Variants in LMCD1 observed in about 807,000 individuals in gnomAD.
LMCD1 encodes LIM and cysteine rich domains 1.
LMCD1 carries 32 observed loss-of-function variants against 42.7 expected under a neutral mutation model. The ratio of observed to expected loss-of-function variants is 0.75; its 90% CI spans 0.57 to 1.01. The LOEUF is 1.01. Ranked by LOEUF, LMCD1 falls within the 50% of genes least tolerant of loss-of-function variation. The pLI is 0.00. For synonymous variants in LMCD1, 178 were observed against 184.9 expected, an observed-to-expected ratio of 0.96 and a Z score of 0.30; for missense variants, 458 against 483.1, an observed-to-expected ratio of 0.95 and a Z score of 0.49.
intron 3 of LMCD1, among the ~76,000 whole-genome samples, chr3:8,547,752 G>A (rs1694764890): frequency 6.9e-6 from 1 of 144,422 alleles, no homozygotes; most frequent in African/African-American, 2.6e-5. Flanking sequence ...AATTAGCAGT[G>A]GCGGGCACCT....
intron 1 of LMCD1, among the ~76,000 whole-genome samples, chr3:8,522,669 T>C (rs960657917): frequency 1.3e-5 from 2 of 152,104 alleles, no homozygotes; most frequent in Non-Finnish European, 2.9e-5. Flanking sequence ...CCATTAGACA[T>C]GACATGTCCA....
intron 1 of LMCD1, among the ~76,000 whole-genome samples, chr3:8,518,879 A>G (rs1049177802): frequency 1.3e-5 from 2 of 152,160 alleles, no homozygotes; most frequent in Admixed American, 6.5e-5. Context: ...AGAGGAAACC[A>G]GGGTGCCTCT....
chr3:8,565,670 G>A (rs1695120968), intron 5 of LMCD1, 23 bp downstream of exon 5: 1 of 1,562,284 alleles, frequency 6.4e-7, no homozygotes, highest in Admixed American at 1.9e-5. Context: ...CGCGAGATGG[G>A]TTAGGGGGCT....
chr3:8,524,175 C>A (rs1193338811), intron 1 of LMCD1, among the ~76,000 whole-genome samples: 2 of 150,688 alleles, frequency 1.3e-5, no homozygotes, highest in African/African-American at 2.4e-5. Context: ...CCAGGGCACT[C>A]CCCAGAAAAA....
chr3:8,546,150 CA>C (rs368675496), intron 3 of LMCD1, among the ~76,000 whole-genome samples: 3 of 150,372 alleles, frequency 2.0e-5, no homozygotes, highest in African/African-American at 7.3e-5. Context: ...CAAAACAAAA[CA>C]AAAAAAAAGA....
chr3:8,567,348 G>C, intron 5 of LMCD1, 92 bp from the exon 6 acceptor site: 1 of 1,306,346 alleles, frequency 7.7e-7, no homozygotes, highest in South Asian at 1.5e-5. Flanking sequence ...AATAGGATGG[G>C]ATGAACCACC....
intron 4 of LMCD1, among the ~76,000 whole-genome samples, chr3:8,562,489 T>C (rs1418422465): frequency 3.3e-5 from 5 of 152,246 alleles, no homozygotes; most frequent in Non-Finnish European, 5.9e-5. Flanking sequence ...GTTTCTTGGC[T>C]GTGCCCCCCT....
At chr3:8,551,682 C>T (rs1694841511) in intron 4 of LMCD1, among the ~76,000 whole-genome samples, 1 of 152,152 alleles carries the variant, frequency 6.6e-6, no homozygotes, top group Non-Finnish European at 1.5e-5. Flanking sequence ...GCTAGATAGG[C>T]TGACAGGCCA....
chr3:8,530,342 A>G (rs773628378), intron 1 of LMCD1, among the ~76,000 whole-genome samples: 1 of 152,230 alleles, frequency 6.6e-6, no homozygotes, highest in Non-Finnish European at 1.5e-5. Flanking sequence ...TACACAGCTA[A>G]TAAATGCCAG....
At chr3:8,523,688 TG>T (rs1694245064) in intron 1 of LMCD1, among the ~76,000 whole-genome samples, 1 of 152,230 alleles carries the variant, frequency 6.6e-6, no homozygotes, top group Admixed American at 6.5e-5. Context: ...GGGAGCAAGA[TG>T]GGGAACATTT....
At chr3:8,511,145 C>CA (rs1693992584) in intron 1 of LMCD1, among the ~76,000 whole-genome samples, 1 of 152,200 alleles carries the variant, frequency 6.6e-6, no homozygotes, top group Non-Finnish European at 1.5e-5. Context: ...TTATTGTACT[C>CA]ACAACAATCA....
chr3:8,562,479 GTTTCT>G, intron 4 of LMCD1, among the ~76,000 whole-genome samples: 1 of 152,300 alleles, frequency 6.6e-6, no homozygotes, highest in South Asian at 2.1e-4. Flanking sequence ...TCCCAGCTCT[GTTTCT>G]TGGCTGTGCC....
chr3:8,547,498 T>C (rs1417367787), intron 3 of LMCD1, among the ~76,000 whole-genome samples: 1 of 152,224 alleles, frequency 6.6e-6, no homozygotes, highest in Non-Finnish European at 1.5e-5. Context: ...GTTTTTAAAA[T>C]CCTTTTTAAA....
At chr3:8,514,764 C>A (rs549535317) in intron 1 of LMCD1, among the ~76,000 whole-genome samples, 1 of 152,104 alleles carries the variant, frequency 6.6e-6, no homozygotes, top group South Asian at 2.1e-4. Flanking sequence ...GAATACACAC[C>A]GTGTAATTTC....
chr3:8,545,361 T>C (rs1694715104), intron 3 of LMCD1, among the ~76,000 whole-genome samples: 1 of 152,226 alleles, frequency 6.6e-6, no homozygotes, highest in Admixed American at 6.5e-5. Context: ...TGATCAAGAA[T>C]GTGAATCTCT....
At chr3:8,551,328 G>C (rs1242053189) in intron 4 of LMCD1, 69 of 985,318 alleles carry the variant, frequency 7.0e-5, no homozygotes, top group Non-Finnish European at 7.2e-5. Context: ...TGGCCAATTT[G>C]CCTAGGCGGA....
At chr3:8,502,330 ATATAT>A (rs1459285486) in intron 1 of LMCD1, among the ~76,000 whole-genome samples, 11 of 17,092 alleles carry the variant, frequency 6.4e-4, no homozygotes, top group African/African-American at 3.1e-3. Flanking sequence ...ATTATATATA[ATATAT>A]ATTATATATA....
chr3:8,559,519 CT>C (rs1694989251), intron 4 of LMCD1, among the ~76,000 whole-genome samples: 2 of 152,308 alleles, frequency 1.3e-5, no homozygotes, highest in South Asian at 4.1e-4. Context: ...GGTCACACAG[CT>C]ATGAACCCAG....
intron 1 of LMCD1, among the ~76,000 whole-genome samples, chr3:8,523,683 C>T (rs1231041228): frequency 6.6e-6 from 1 of 152,176 alleles, no homozygotes; most frequent in Non-Finnish European, 1.5e-5. Context: ...TTGGAGGGAG[C>T]AAGATGGGGA....
Sources: gnomAD v4.1 joint callset for allele counts (sites outside exome capture counted in the v4.1 genomes callset) on GRCh38, gnomAD v4.1.1 for gene constraint, MANE v1.5 for transcripts, NCBI Gene and HGNC (gene_info 2026-07-23, HGNC 2026-07-21) for gene names.